Variants in EBF1 observed in about 807,000 individuals in gnomAD.
The protein encoded by EBF1 is EBF transcription factor 1.
A neutral mutation model predicts 68.4 loss-of-function variants in EBF1; 10 were observed. The ratio of observed to expected loss-of-function variants is 0.15; its 90% confidence interval spans 0.09 to 0.25. The LOEUF is 0.25. Among genes scored for constraint, EBF1 ranks in the 10% least tolerant of loss-of-function variants. The pLI, the probability that EBF1 is intolerant of heterozygous loss-of-function variation, is 1.00. For missense variants in EBF1, 509 were observed against 794.4 expected (o/e 0.64, Z 4.32); for synonymous variants, 298 against 299.8 (o/e 0.99, Z 0.06).
chr5:158,887,722 T>C (rs1800329891), intron 6 of EBF1, among the ~76,000 whole-genome samples: 1 of 152,258 alleles, frequency 6.6e-6, no homozygotes, highest in Non-Finnish European at 1.5e-5. Flanking sequence ...TACTCCTCTA[T>C]TTATTTTCAC....
chr5:158,857,982 G>T (rs1283929134), intron 6 of EBF1, among the ~76,000 whole-genome samples: 2 of 151,986 alleles, frequency 1.3e-5, no homozygotes, highest in Non-Finnish European at 2.9e-5. Flanking sequence ...CCCTTCGTGG[G>T]CTCATCTGCA....
intron 8 of EBF1, among the ~76,000 whole-genome samples, chr5:158,821,710 T>G (rs557041077): frequency 1.3e-5 from 2 of 152,312 alleles, no homozygotes. Flanking sequence ...AAAGACAACA[T>G]TACTGTAAAG....
intron 6 of EBF1, among the ~76,000 whole-genome samples, chr5:158,963,192 C>T (rs777062010): frequency 6.6e-6 from 1 of 152,146 alleles, no homozygotes; most frequent in Non-Finnish European, 1.5e-5. Flanking sequence ...ATGTCTGTTC[C>T]ACCACTAGCC....
intron 10 of EBF1, among the ~76,000 whole-genome samples, chr5:158,768,421 T>C (rs893606773): frequency 6.6e-6 from 1 of 152,182 alleles, no homozygotes; most frequent in South Asian, 2.1e-4. Flanking sequence ...ATAAGTCAGA[T>C]ATATGCATAG....
At chr5:159,014,835 GA>G (rs1765353165) in intron 6 of EBF1, among the ~76,000 whole-genome samples, 1 of 152,142 alleles carries the variant, frequency 6.6e-6, no homozygotes, top group South Asian at 2.1e-4. Flanking sequence ...CTGCTGCTAG[GA>G]ATATTGCTGT....
chr5:158,894,198 C>A (rs959921124), intron 6 of EBF1, among the ~76,000 whole-genome samples: 1 of 152,140 alleles, frequency 6.6e-6, no homozygotes, highest in Non-Finnish European at 1.5e-5. Flanking sequence ...GTATTGATTG[C>A]ATCATGAAAT....
At chr5:158,731,286 G>A in intron 10 of EBF1, 129 bp from the exon 11 acceptor site, 1 of 880,460 alleles carries the variant, frequency 1.1e-6, no homozygotes, top group Non-Finnish European at 1.7e-6. Flanking sequence ...TGGATCACAA[G>A]ATGGTTGTGT....
At chr5:158,853,610 A>T (rs568299432) in intron 6 of EBF1, among the ~76,000 whole-genome samples, 1 of 152,306 alleles carries the variant, frequency 6.6e-6, no homozygotes, top group Admixed American at 6.5e-5. Context: ...CCTCCAAGAA[A>T]GATAAGGAGA....
intron 6 of EBF1, among the ~76,000 whole-genome samples, chr5:158,981,305 G>C (rs957008318): frequency 1.2e-4 from 19 of 152,114 alleles, no homozygotes; most frequent in African/African-American, 4.6e-4. Context: ...TGTTTTCATG[G>C]GAGTTTAATC....
At chr5:158,819,014 G>A (rs1026107345) in intron 8 of EBF1, among the ~76,000 whole-genome samples, 1 of 151,740 alleles carries the variant, frequency 6.6e-6, no homozygotes, top group Non-Finnish European at 1.5e-5. Flanking sequence ...ACTGGTGGGT[G>A]AGCTCTAGAA....
At chr5:159,068,235 AT>A (rs1777177697) in intron 6 of EBF1, among the ~76,000 whole-genome samples, 1 of 152,188 alleles carries the variant, frequency 6.6e-6, no homozygotes, top group African/African-American at 2.4e-5. Context: ...ATGACAAAAA[AT>A]AAATAAATAT....
At chr5:158,971,844 A>G (rs1437122311) in intron 6 of EBF1, among the ~76,000 whole-genome samples, 2 of 152,190 alleles carry the variant, frequency 1.3e-5, no homozygotes, top group Non-Finnish European at 2.9e-5. Flanking sequence ...CGAGGACCTA[A>G]AGTCCATAAC....
chr5:158,866,827 GTATATGTATATATATATATA>G (rs1399439300), intron 6 of EBF1, among the ~76,000 whole-genome samples: 610 of 58,360 alleles, frequency 0.01, 19 homozygotes, highest in African/African-American at 0.042. Flanking sequence ...GTATATATAT[GTATATGTATATATATATATA>G]TATATATATA....
chr5:159,055,027 G>T (rs1774486071), intron 6 of EBF1, among the ~76,000 whole-genome samples: 2 of 152,158 alleles, frequency 1.3e-5, no homozygotes, highest in Admixed American at 1.3e-4. Context: ...CTAGCTTCCT[G>T]CCTTAAGGTA....
intron 7 of EBF1, among the ~76,000 whole-genome samples, chr5:158,829,608 A>G (rs55779000): frequency 0.59 from 90,061 of 151,802 alleles, 26,880 homozygotes; most frequent in South Asian, 0.7. Flanking sequence ...GGGGTTGAGA[A>G]GGTATTATAT....
intron 6 of EBF1, among the ~76,000 whole-genome samples, chr5:158,898,948 G>A (rs529451311): frequency 5.3e-5 from 8 of 152,240 alleles, no homozygotes; most frequent in East Asian, 3.9e-4. Context: ...AAAGAGCAGC[G>A]ATAACAAGGT....
intron 6 of EBF1, among the ~76,000 whole-genome samples, chr5:158,965,620 T>C (rs886669931): frequency 3.3e-5 from 5 of 152,216 alleles, no homozygotes; most frequent in Non-Finnish European, 7.3e-5. Flanking sequence ...CTTTTGTAAA[T>C]GTTGATTTAA....
chr5:159,094,739 C>A (rs2128003804), intron 4 of EBF1, among the ~76,000 whole-genome samples: 1 of 152,222 alleles, frequency 6.6e-6, no homozygotes, highest in South Asian at 2.1e-4. Context: ...GTTCTAATTT[C>A]TTTCCCCCAC....
At chr5:159,035,663 T>C (rs573111982) in intron 6 of EBF1, among the ~76,000 whole-genome samples, 1 of 152,366 alleles carries the variant, frequency 6.6e-6, no homozygotes, top group South Asian at 2.1e-4. Context: ...CAACAGCTGT[T>C]GTCACATAAG....
Sources: gnomAD v4.1 joint callset for allele counts (sites outside exome capture counted in the v4.1 genomes callset) on GRCh38, gnomAD v4.1.1 for gene constraint, MANE v1.5 for transcripts, NCBI Gene and HGNC (gene_info 2026-07-23, HGNC 2026-07-21) for gene names.